ZNF385D: variants seen among roughly 807,000 people sequenced by gnomAD.
The protein encoded by ZNF385D is zinc finger protein 659.
Under a neutral mutation model 35.8 loss-of-function variants are expected in ZNF385D, and 15 were observed. The observed-to-expected ratio is 0.42, with a 90% CI of 0.28 to 0.64. The LOEUF is 0.64. Among genes scored for constraint, ZNF385D ranks in the 30% least tolerant of loss-of-function variants. The probability of loss-of-function intolerance (pLI) is 0.23; values close to 1 mark genes in which losing one functional copy is unlikely to be tolerated. For synonymous variants in ZNF385D, 212 were observed against 186.8 expected (o/e 1.13, Z -1.10); for missense variants, 474 against 494.6 (o/e 0.96, Z 0.39).
intron 1 of ZNF385D, among the ~76,000 whole-genome samples, chr3:21,696,055 T>G (rs2067460096): frequency 6.6e-6 from 1 of 152,156 alleles, no homozygotes; most frequent in Admixed American, 6.5e-5. Flanking sequence ...CGGTAAATCA[T>G]TTTGCCCAAT....
At chr3:21,799,925 T>C (rs1559633680) in intron 3 of ZNF385D, among the ~76,000 whole-genome samples, 1 of 152,182 alleles carries the variant, frequency 6.6e-6, no homozygotes, top group Non-Finnish European at 1.5e-5. Context: ...AGTTAAATTT[T>C]GAATAATGTG....
chr3:22,180,576 G>T (rs1265267778), intron 2 of ZNF385D, among the ~76,000 whole-genome samples: 1 of 152,138 alleles, frequency 6.6e-6, no homozygotes, highest in South Asian at 2.1e-4. Flanking sequence ...ACATCAAAAA[G>T]CTTATCCACC....
intron 3 of ZNF385D, among the ~76,000 whole-genome samples, chr3:21,926,075 T>C (rs1700710631): frequency 6.6e-6 from 1 of 152,204 alleles, no homozygotes; most frequent in African/African-American, 2.4e-5. Context: ...TGGAAATTTT[T>C]AATTGAACTA....
chr3:22,360,045 G>C (rs553237873), intron 2 of ZNF385D, among the ~76,000 whole-genome samples: 2 of 151,854 alleles, frequency 1.3e-5, no homozygotes, highest in East Asian at 1.9e-4. Flanking sequence ...TGGGATTACC[G>C]TGATTATTAA....
At chr3:22,019,619 A>G (rs1449415188) in intron 3 of ZNF385D, among the ~76,000 whole-genome samples, 1 of 152,088 alleles carries the variant, frequency 6.6e-6, no homozygotes, top group Non-Finnish European at 1.5e-5. Context: ...CATTGCAATA[A>G]TCAAAGATTT....
chr3:21,604,416 G>A (rs377054096), intron 2 of ZNF385D, among the ~76,000 whole-genome samples: 162 of 152,320 alleles, frequency 1.1e-3, no homozygotes, highest in African/African-American at 3.3e-3. Context: ...GAAGTGACAT[G>A]ATTGAAGTTT....
At chr3:21,552,296 A>G (rs1030001433) in intron 3 of ZNF385D, among the ~76,000 whole-genome samples, 1 of 152,200 alleles carries the variant, frequency 6.6e-6, no homozygotes, top group African/African-American at 2.4e-5. Flanking sequence ...CAATTGATAA[A>G]TCCAATCAAT....
At chr3:21,487,811 C>G (rs895509710) in intron 4 of ZNF385D, among the ~76,000 whole-genome samples, 25 of 152,054 alleles carry the variant, frequency 1.6e-4, no homozygotes, top group Admixed American at 1.6e-3. Flanking sequence ...TGTATTATAT[C>G]TTTATTCACA....
intron 3 of ZNF385D, among the ~76,000 whole-genome samples, chr3:21,851,957 A>T (rs1049447972): frequency 6.6e-6 from 1 of 151,978 alleles, no homozygotes; most frequent in East Asian, 1.9e-4. Context: ...ACAATTTCCA[A>T]TCATTTATTA....
intron 4 of ZNF385D, among the ~76,000 whole-genome samples, chr3:21,499,500 G>A (rs1030196388): frequency 2.0e-5 from 3 of 152,086 alleles, no homozygotes; most frequent in Admixed American, 6.5e-5. Context: ...TGGGAGAAGG[G>A]TGAGGATTGA....
At position 22,213,519 on chromosome 3, in the gene ZNF385D, A is replaced by T. The variant is rs116816057; in HGVS notation, c.107-44484T>A. 4.8e-3 allele frequency among the ~76,000 whole-genome samples: 726 copies of T among 152,180 alleles called. 6 individuals carry two copies. The highest frequency in any genetic ancestry group is 0.016 in the African/African-American group (681 of 41,546). On this transcript the variant is annotated intron_variant, in intron 2 of 5. Coordinates refer to the ZNF385D transcript ENST00000494108. Reference sequence around the variant, plus strand: ...CTTCTAATTAAAGAAATATTAGTTTATGTCCTATCACTACCAAAGCACAGG... The same window carrying T: ...CTTCTAATTAAAGAAATATTAGTTTTTGTCCTATCACTACCAAAGCACAGG...
At chr3:21,829,240 G>T (rs1174074551) in intron 3 of ZNF385D, among the ~76,000 whole-genome samples, 1 of 152,170 alleles carries the variant, frequency 6.6e-6, no homozygotes, top group Non-Finnish European at 1.5e-5. Flanking sequence ...GGGCAAAGGA[G>T]AGTGAGTAAT....
At chr3:21,494,525 G>A (rs1030100206) in intron 4 of ZNF385D, among the ~76,000 whole-genome samples, 1 of 152,122 alleles carries the variant, frequency 6.6e-6, no homozygotes, top group African/African-American at 2.4e-5. Flanking sequence ...TGCCTAACAG[G>A]AGACAGCAAG....
intron 7 of ZNF385D, among the ~76,000 whole-genome samples, chr3:21,422,635 T>C (rs989447696): frequency 1.3e-5 from 2 of 152,206 alleles, no homozygotes; most frequent in African/African-American, 2.4e-5. Context: ...AAAAAGCTTA[T>C]CCACCACAAT....
At chr3:21,602,512 ATTTTCT>A (rs869034283) in intron 2 of ZNF385D, among the ~76,000 whole-genome samples, 2,156 of 90,060 alleles carry the variant, frequency 0.024, 126 homozygotes, top group South Asian at 0.038. Flanking sequence ...GTTTCCCTGC[ATTTTCT>A]TTTTTTTTTT....
At chr3:21,970,842 T>C (rs1466691722) in intron 3 of ZNF385D, among the ~76,000 whole-genome samples, 1 of 151,862 alleles carries the variant, frequency 6.6e-6, no homozygotes, top group Non-Finnish European at 1.5e-5. Flanking sequence ...TAACATGCAA[T>C]GGAGCTTCAA....
At chr3:21,938,105 T>C (rs1263681941) in intron 3 of ZNF385D, among the ~76,000 whole-genome samples, 2 of 152,246 alleles carry the variant, frequency 1.3e-5, no homozygotes, top group Non-Finnish European at 1.5e-5. Flanking sequence ...TAGAATATTG[T>C]AGACAATTAG....
intron 1 of ZNF385D, among the ~76,000 whole-genome samples, chr3:21,682,368 A>G (rs2125317063): frequency 6.7e-6 from 1 of 150,322 alleles, no homozygotes; most frequent in African/African-American, 2.4e-5. Context: ...GGGAAAGCTA[A>G]AGGTACTGGC....
At chr3:21,887,118 A>T (rs1160820228) in intron 3 of ZNF385D, among the ~76,000 whole-genome samples, 3 of 152,148 alleles carry the variant, frequency 2.0e-5, no homozygotes, top group African/African-American at 7.2e-5. Context: ...CTTGAAGGAG[A>T]ATCACCTACA....
Sources: gnomAD v4.1 joint callset for allele counts (sites outside exome capture counted in the v4.1 genomes callset) on GRCh38, gnomAD v4.1.1 for gene constraint, MANE v1.5 for transcripts, NCBI Gene and HGNC (gene_info 2026-07-23, HGNC 2026-07-21) for gene names.